The following KIF4A variants were observed in gnomAD, a reference collection of about 807,000 sequenced individuals.
KIF4A encodes kinesin family member 4A.
KIF4A carries 7 observed loss-of-function variants against 105.9 expected under a neutral mutation model. That is an observed-to-expected ratio of 0.07 (90% CI 0.04 to 0.12). The LOEUF (loss-of-function observed/expected upper bound fraction) is 0.12. KIF4A is among the 10% of genes least tolerant of loss of function. The pLI is 1.00. For synonymous variants in KIF4A, 281 were observed against 331.3 expected, an observed-to-expected ratio of 0.85 and a Z score of 1.65; for missense variants, 558 against 929.2, an observed-to-expected ratio of 0.60 and a Z score of 5.19.
intron 14 of KIF4A, 124 bp from the exon 15 acceptor site, chrX:70,353,498 C>A: frequency 1.3e-5 from 7 of 556,336 alleles, no homozygotes; most frequent in Non-Finnish European, 2.0e-5. Context: ...GTATGCAGAG[C>A]CACTGTTGTA....
intron 13 of KIF4A, among the ~76,000 whole-genome samples, chrX:70,347,373 A>G (rs945336228): frequency 8.9e-6 from 1 of 112,360 alleles, no homozygotes; most frequent in East Asian, 2.8e-4. Context: ...TACATTTAGG[A>G]TTATAGAGGC....
intron 7 of KIF4A, among the ~76,000 whole-genome samples, chrX:70,313,391 T>A (rs1313542467): frequency 8.9e-6 from 1 of 111,979 alleles, no homozygotes; most frequent in Non-Finnish European, 1.9e-5. Context: ...TGGTCTCTCT[T>A]TTTAATTTTT....
chrX:70,409,520 C>A (rs1400741957), intron 28 of KIF4A, among the ~76,000 whole-genome samples: 1 of 111,379 alleles, frequency 9.0e-6, no homozygotes, highest in Non-Finnish European at 1.9e-5. Flanking sequence ...ATGGTAGAGG[C>A]CAGGCGTGGC....
chrX:70,310,897 A>G (rs1405383860), intron 7 of KIF4A, among the ~76,000 whole-genome samples: 2 of 111,008 alleles, frequency 1.8e-5, no homozygotes, highest in African/African-American at 6.6e-5. Context: ...AGGCCTAGGT[A>G]GGAGGATCGC....
At chrX:70,369,289 G>A (rs1179743508) in intron 15 of KIF4A, among the ~76,000 whole-genome samples, 3 of 112,109 alleles carry the variant, frequency 2.7e-5, no homozygotes, top group Non-Finnish European at 3.8e-5. Flanking sequence ...CCAGTGAGAC[G>A]AACCTGGTAC....
intron 15 of KIF4A, among the ~76,000 whole-genome samples, chrX:70,371,967 G>A (rs2086138501): frequency 9.2e-6 from 1 of 108,452 alleles, no homozygotes; most frequent in Admixed American, 9.6e-5. Flanking sequence ...TCCCAGACGG[G>A]GTCACGGCCG....
chrX:70,312,685 A>G (rs188473644), intron 7 of KIF4A, among the ~76,000 whole-genome samples: 2 of 111,910 alleles, frequency 1.8e-5, no homozygotes, highest in Admixed American at 9.5e-5. Flanking sequence ...TTTTATTTGC[A>G]CATACATAAC....
chrX:70,349,908 C>G (rs1266850778), intron 13 of KIF4A, among the ~76,000 whole-genome samples: 1 of 91,985 alleles, frequency 1.1e-5, no homozygotes. Context: ...CGGGCAGAGA[C>G]GCTCCTCACC....
intron 28 of KIF4A, among the ~76,000 whole-genome samples, chrX:70,408,985 C>T (rs756681994): frequency 3.6e-5 from 4 of 111,954 alleles, no homozygotes; most frequent in Admixed American, 9.5e-5. Context: ...CCAGCCTCAG[C>T]CTCCTGAGTG....
At chrX:70,362,322 C>T (rs978972978) in intron 15 of KIF4A, 13 of 325,138 alleles carry the variant, frequency 4.0e-5, no homozygotes, top group South Asian at 6.7e-5. Flanking sequence ...GGGGGTGCTG[C>T]GGATGTAGAG....
chrX:70,310,348 T>TGTGTGTGTGCGC (rs56051172), intron 7 of KIF4A, among the ~76,000 whole-genome samples: 1 of 107,502 alleles, frequency 9.3e-6, no homozygotes, highest in Admixed American at 1.0e-4. Context: ...TGTGTGTGTG[T>TGTGTGTGTGCGC]GCCTGGATTC....
At chrX:70,351,915 G>A (rs965284507) in intron 13 of KIF4A, among the ~76,000 whole-genome samples, 3 of 110,282 alleles carry the variant, frequency 2.7e-5, no homozygotes, top group Non-Finnish European at 3.8e-5. Flanking sequence ...TCGCCACCAC[G>A]CCCGGCTAAT....
chrX:70,316,045 C>G (rs1260878861), intron 7 of KIF4A, among the ~76,000 whole-genome samples: 2 of 111,327 alleles, frequency 1.8e-5, no homozygotes, highest in African/African-American at 6.5e-5. Context: ...TTTGGCTGGC[C>G]CCAGCACCTA....
At chrX:70,363,404 C>G (rs1342564362) in intron 15 of KIF4A, among the ~76,000 whole-genome samples, 2 of 110,408 alleles carry the variant, frequency 1.8e-5, no homozygotes, top group African/African-American at 3.3e-5. Flanking sequence ...GTCCCCTGAC[C>G]CCACAACAGG....
At chrX:70,314,078 T>G (rs2085860179) in intron 7 of KIF4A, among the ~76,000 whole-genome samples, 1 of 111,832 alleles carries the variant, frequency 8.9e-6, no homozygotes. Flanking sequence ...ATATACAATC[T>G]CAGCTGAACT....
At chrX:70,414,924 C>T (rs1420311409) in intron 28 of KIF4A, among the ~76,000 whole-genome samples, 1 of 111,935 alleles carries the variant, frequency 8.9e-6, no homozygotes, top group Non-Finnish European at 1.9e-5. Flanking sequence ...CTTTTCAAAG[C>T]CAAACTATCC....
chrX:70,381,763 C>CAGAT (rs2086198202), intron 18 of KIF4A, among the ~76,000 whole-genome samples: 1 of 111,742 alleles, frequency 8.9e-6, no homozygotes, highest in Non-Finnish European at 1.9e-5. Flanking sequence ...GATTGCCTTA[C>CAGAT]AGATGCAACA....
chrX:70,365,433 A>T (rs1422840758), intron 15 of KIF4A, among the ~76,000 whole-genome samples: 1 of 111,733 alleles, frequency 8.9e-6, no homozygotes, highest in East Asian at 2.8e-4. Context: ...ACCTAATTTA[A>T]TGAGAGTTTT....
chrX:70,419,669 G>A lies in KIF4A; in HGVS notation c.3381G>A (p.Leu1127=). The A allele has an allele frequency of 8.3e-7, 1 of 1,209,624 alleles. No homozygotes were observed. Among genetic ancestry groups the A allele is most frequent in the Non-Finnish European group, 1.1e-6 (1 of 895,139 alleles). The change falls in exon 30 of 31, where the codon TTG becomes TTA. Residue 1127 remains leucine (L), a synonymous_variant. Coordinates refer to ENST00000374403, the MANE Select transcript of KIF4A (RefSeq NM_012310.5). ...CRNRQQGKDS[L]GTVERTQDSE... ...GTCTGCTTGATTTTCAGGATAGCTT[G>A]GGCACTGTTGAACGGACCCAGGATT... is the stretch of plus-strand genomic sequence containing the variant.
Sources: allele counts gnomAD v4.1 joint callset (sites outside exome capture counted in the v4.1 genomes callset), GRCh38; gene constraint gnomAD v4.1.1; transcripts MANE v1.5; gene names NCBI Gene and HGNC (gene_info 2026-07-23, HGNC 2026-07-21).